LPIN2: variants seen among roughly 807,000 people sequenced by gnomAD.
LPIN2 encodes the protein lipin 2.
Under a neutral mutation model 111.4 loss-of-function variants are expected in LPIN2, and 55 were observed. That is an observed-to-expected ratio of 0.49 (90% CI 0.40 to 0.62). The LOEUF is 0.62. Ranked by LOEUF, LPIN2 falls within the 20% of genes least tolerant of loss-of-function variation. The pLI, the probability that LPIN2 is intolerant of heterozygous loss-of-function variation, is 0.00. For missense variants in LPIN2, 992 were observed against 1,112.1 expected (o/e 0.89, Z 1.54); for synonymous variants, 425 against 414.0 (o/e 1.03, Z -0.32).
At chr18:2,950,125 G>A (rs2077511921) in intron 4 of LPIN2, 1 of 152,036 alleles carries the variant, frequency 6.6e-6, no homozygotes, top group Admixed American at 6.6e-5. Flanking sequence ...ACAAAACAAA[G>A]CATATTTTTT....
In LPIN2 at chr18:2,919,894, G is replaced by C. The variant is rs1185105662; in HGVS notation, c.*399C>G. The C allele has an allele frequency of 6.7e-6, 2 of 299,530 alleles. No homozygotes were observed. Among genetic ancestry groups the C allele is most frequent in the Non-Finnish European group, 1.3e-5 (2 of 151,784 alleles). The allele number at this position is 299,530 out of a possible 1,614,324, so 18.6% of individuals were successfully genotyped here. On this transcript the variant is annotated 3_prime_UTR_variant, in exon 20 of 20. Transcript: ENST00000677752. ...ACCCTGACATCTGAAGACAGCCCTGGTTACAGAAGCCACCTCAACTGCCCA... is the reference window on the plus strand; with the variant it reads ...ACCCTGACATCTGAAGACAGCCCTGCTTACAGAAGCCACCTCAACTGCCCA...
At chr18:2,923,446 AAAAT>A (rs2077085479) in intron 16 of LPIN2, among the ~76,000 whole-genome samples, 1 of 151,534 alleles carries the variant, frequency 6.6e-6, no homozygotes, top group African/African-American at 2.4e-5. Flanking sequence ...AAAAAAAAAA[AAAAT>A]TTAAAATACC....
intron 13 of LPIN2, among the ~76,000 whole-genome samples, chr18:2,926,300 C>T (rs903188420): frequency 4.6e-5 from 7 of 152,302 alleles, no homozygotes; most frequent in South Asian, 2.1e-4. Flanking sequence ...AGGAACACGG[C>T]GTATCGCGAG....
intron 1 of LPIN2, among the ~76,000 whole-genome samples, chr18:2,967,257 A>G (rs2077820113): frequency 6.6e-6 from 1 of 152,100 alleles, no homozygotes; most frequent in African/African-American, 2.4e-5. Flanking sequence ...CATGGCTTAA[A>G]TCATTGGGTC....
At chr18:2,950,060 C>G (rs1165672861) in intron 4 of LPIN2, among the ~76,000 whole-genome samples, 1 of 151,898 alleles carries the variant, frequency 6.6e-6, no homozygotes, top group Non-Finnish European at 1.5e-5. Context: ...ATGATTGCAC[C>G]ACTGCACTCC....
chr18:2,924,885 A>C (rs2077106868), intron 14 of LPIN2, among the ~76,000 whole-genome samples: 1 of 152,230 alleles, frequency 6.6e-6, no homozygotes, highest in Admixed American at 6.5e-5. Flanking sequence ...AGGGTGTAAA[A>C]TAAGAGGAGA....
In LPIN2 at chr18:2,980,664, C is replaced by T. The variant is rs578127696; in HGVS notation, c.-9-19815G>A. Among the ~76,000 whole-genome samples, 7 of 152,314 alleles carry T rather than the reference C, an allele frequency of 4.6e-5. 1 individual carries two copies. The South Asian group carries it at 1.4e-3, about 32-fold the overall frequency. On this transcript the variant is annotated intron_variant, in intron 1 of 19. Transcript: ENST00000677752. ...GAGATGAGAATTGAGGGACACTGCC[C>T]TCAGGGCTTCCTGGAGTCCCCTGAA...
At chr18:2,934,615 T>A (rs1180335408) in intron 7 of LPIN2, among the ~76,000 whole-genome samples, 165 bp from the exon 8 acceptor site, 1 of 152,210 alleles carries the variant, frequency 6.6e-6, no homozygotes, top group Non-Finnish European at 1.5e-5. Context: ...TTCCCAGCCA[T>A]CCATGCCAAT....
intron 1 of LPIN2, among the ~76,000 whole-genome samples, chr18:2,971,009 C>G (rs1275918119): frequency 6.6e-5 from 10 of 152,208 alleles, no homozygotes; most frequent in Non-Finnish European, 4.4e-5. Flanking sequence ...GCAATGCACC[C>G]TCTCTCCGAG....
chr18:2,927,230 G>A (rs1298928913), intron 12 of LPIN2, among the ~76,000 whole-genome samples: 1 of 152,178 alleles, frequency 6.6e-6, no homozygotes, highest in Non-Finnish European at 1.5e-5. Context: ...AGAACTCCCT[G>A]AACCCTCTTT....
intron 3 of LPIN2, among the ~76,000 whole-genome samples, chr18:2,951,630 AG>A: frequency 6.6e-6 from 1 of 152,300 alleles, no homozygotes; most frequent in East Asian, 1.9e-4. Context: ...AACACCCCAA[AG>A]CCATAATTAA....
intron 1 of LPIN2, among the ~76,000 whole-genome samples, chr18:2,997,306 T>C (rs1598609446): frequency 6.6e-6 from 1 of 152,196 alleles, no homozygotes; most frequent in East Asian, 1.9e-4. Context: ...TGTTTTTTTT[T>C]AGTAGAGATG....
At chr18:2,960,406 T>C (rs2077693832) in intron 2 of LPIN2, among the ~76,000 whole-genome samples, 1 of 152,080 alleles carries the variant, frequency 6.6e-6, no homozygotes, top group East Asian at 1.9e-4. Flanking sequence ...TCAGTTTCCC[T>C]TTCCCTTGAA....
At chr18:2,943,777 T>C (rs1962505661) in intron 4 of LPIN2, among the ~76,000 whole-genome samples, 1 of 152,244 alleles carries the variant, frequency 6.6e-6, no homozygotes, top group African/African-American at 2.4e-5. Flanking sequence ...CCAGAGTTTC[T>C]TGTCATGGTA....
chr18:2,965,269 T>C (rs575847323), intron 1 of LPIN2, among the ~76,000 whole-genome samples: 18 of 152,218 alleles, frequency 1.2e-4, no homozygotes, highest in Admixed American at 5.2e-4. Flanking sequence ...GTGCCCACTA[T>C]CATATTTTTC....
At chr18:3,008,343 G>C (rs1054844954) in intron 1 of LPIN2, among the ~76,000 whole-genome samples, 3 of 152,208 alleles carry the variant, frequency 2.0e-5, no homozygotes, top group African/African-American at 7.2e-5. Flanking sequence ...TCGGGAGTCC[G>C]AGGTGGGAGG....
chr18:2,989,178 A>C (rs1032638892), intron 1 of LPIN2, among the ~76,000 whole-genome samples: 1 of 152,240 alleles, frequency 6.6e-6, no homozygotes, highest in Non-Finnish European at 1.5e-5. Context: ...GTTATGTTAA[A>C]TATCCAAGGA....
rs2143137442 is a variant in LPIN2, at chr18:2,954,504, A to G, written c.288T>C (p.Tyr96=). 6.2e-7 allele frequency: 1 copy of G among 1,611,616 alleles called. No homozygotes were observed. The highest frequency in any genetic ancestry group is 2.2e-5 in the East Asian group (1 of 44,884). ...GAGGGTGTAACCCATGCAAACTTAC[A>G]TATTCTTCTTCAGTCTCCTCAACAA... ...AFFVEETEEE[Y]EKLPAYLATS... Residue 96 remains tyrosine (Y), a splice_region_variant and synonymous_variant, in exon 3 of 20, where the codon TAT becomes TAC. Transcript: ENST00000677752.
In LPIN2 at chr18:2,920,189, T is replaced by C; in HGVS notation, c.*104A>G. 1.3e-6 allele frequency: 2 copies of C among 1,505,316 alleles called. No homozygotes were observed. Among genetic ancestry groups the C allele is most frequent in the African/African-American group, 1.4e-5 (1 of 72,892 alleles). 93.2% of individuals were successfully genotyped at this position (1,505,316 alleles called of 1,614,324 possible). On this transcript the variant is annotated 3_prime_UTR_variant, in exon 20 of 20. Transcript: ENST00000677752. ...GCGGGACCAGCTCCAGAAGCACCCGTCCCCGCTGGGGAAGGCTGGTATCTG... is the reference window on the plus strand; with the variant it reads ...GCGGGACCAGCTCCAGAAGCACCCGCCCCCGCTGGGGAAGGCTGGTATCTG...
Sources: allele counts gnomAD v4.1 joint callset (sites outside exome capture counted in the v4.1 genomes callset), GRCh38; gene constraint gnomAD v4.1.1; transcripts MANE v1.5; gene names NCBI Gene and HGNC (gene_info 2026-07-23, HGNC 2026-07-21).